NR3C1: variants seen among roughly 807,000 people sequenced by gnomAD.
The protein encoded by NR3C1 is glucocorticoid receptor.
A neutral mutation model predicts 74.0 loss-of-function variants in NR3C1; 14 were observed. The observed-to-expected ratio is 0.19, with a 90% CI of 0.12 to 0.30. The LOEUF (loss-of-function observed/expected upper bound fraction) is 0.30. Among genes scored for constraint, NR3C1 ranks in the 10% least tolerant of loss-of-function variants. The pLI is 1.00. For synonymous variants in NR3C1, 308 were observed against 332.5 expected, an observed-to-expected ratio of 0.93 and a Z score of 0.80; for missense variants, 695 against 909.8, an observed-to-expected ratio of 0.76 and a Z score of 3.04.
intron 2 of NR3C1, among the ~76,000 whole-genome samples, chr5:143,395,138 A>C (rs1170427059): frequency 1.3e-5 from 2 of 152,016 alleles, no homozygotes; most frequent in Non-Finnish European, 2.9e-5. Context: ...ACCCTAATCT[A>C]GTTTAGCATA....
intron 4 of NR3C1, among the ~76,000 whole-genome samples, chr5:143,304,770 AC>A (rs1819224892): frequency 6.6e-6 from 1 of 152,070 alleles, no homozygotes; most frequent in Non-Finnish European, 1.5e-5. Flanking sequence ...CATGTAATCT[AC>A]ACAAAGTTGA....
chr5:143,381,452 TTA>T (rs1836226335), intron 2 of NR3C1, among the ~76,000 whole-genome samples: 1 of 152,150 alleles, frequency 6.6e-6, no homozygotes, highest in African/African-American at 2.4e-5. Context: ...ATCATAGGAT[TTA>T]TATGGAACCA....
chr5:143,422,464 C>A (rs971500394), intron 1 of NR3C1, among the ~76,000 whole-genome samples: 5 of 152,132 alleles, frequency 3.3e-5, no homozygotes, highest in Non-Finnish European at 1.5e-5. Context: ...TGTGTCCTTT[C>A]CAAATTCCTG....
At chr5:143,332,699 G>A (rs529661519) in intron 2 of NR3C1, 77 of 1,576,278 alleles carry the variant, frequency 4.9e-5, no homozygotes, top group Non-Finnish European at 3.7e-5. Flanking sequence ...GTGACAAGGT[G>A]CGTCTCAGAC....
At chr5:143,403,772 G>A (rs1033895024), upstream of NR3C1, 126 of 983,754 alleles carry the variant, frequency 1.3e-4, no homozygotes, top group South Asian at 5.3e-3. Flanking sequence ...GCGGCCGCGG[G>A]GAACGATGCA....
At chr5:143,309,891 A>G (rs1311898600) in intron 4 of NR3C1, among the ~76,000 whole-genome samples, 1 of 152,212 alleles carries the variant, frequency 6.6e-6, no homozygotes, top group Non-Finnish European at 1.5e-5. Context: ...AGTGTGTGTA[A>G]GAAGAACTGG....
rs891180993 is a variant in NR3C1 at position 143,384,843 on chromosome 5, C to A, written c.1184+14813G>T. On this transcript the variant is annotated intron_variant, in intron 2 of 8. Transcript: ENST00000394464. ...ACTCTGGAGTCTGGAGGATGGTATC[C>A]CTCTTCTCACGGCTCCACTAGGCAG... Among the ~76,000 whole-genome samples, 12 of 152,198 alleles carry A rather than the reference C, an allele frequency of 7.9e-5. 1 individual carries two copies. The highest frequency in any genetic ancestry group is 2.9e-4 in the African/African-American group (12 of 41,454).
chr5:143,404,263 G>A (rs1840893973), upstream of NR3C1: 13 of 985,438 alleles, frequency 1.3e-5, no homozygotes, highest in Non-Finnish European at 1.6e-5. Flanking sequence ...CTACGGGGTT[G>A]CACGGAAACG....
intron 7 of NR3C1, among the ~76,000 whole-genome samples, chr5:143,286,346 C>CA (rs1224451339): frequency 6.6e-6 from 1 of 151,956 alleles, no homozygotes; most frequent in African/African-American, 2.4e-5. Flanking sequence ...GATTTAGATG[C>CA]AAAAATACCA....
At chr5:143,374,335 A>G (rs1216543168) in intron 2 of NR3C1, among the ~76,000 whole-genome samples, 1 of 152,128 alleles carries the variant, frequency 6.6e-6, no homozygotes, top group African/African-American at 2.4e-5. Context: ...TACTAAAAAT[A>G]CAAAAAATTA....
intron 7 of NR3C1, 127 bp downstream of exon 7, chr5:143,295,332 TC>T: frequency 7.1e-7 from 1 of 1,418,358 alleles, no homozygotes; most frequent in Non-Finnish European, 9.2e-7. Context: ...TTCATAAAAA[TC>T]ATCTGACTAG....
chr5:143,306,049 TTAAAA>T (rs1475008503), intron 4 of NR3C1, among the ~76,000 whole-genome samples: 4 of 152,180 alleles, frequency 2.6e-5, no homozygotes, highest in Non-Finnish European at 2.9e-5. Context: ...ACAATATATC[TTAAAA>T]TGAAGTGAAT....
At chr5:143,351,365 C>T (rs1046091953) in intron 2 of NR3C1, among the ~76,000 whole-genome samples, 11 of 152,084 alleles carry the variant, frequency 7.2e-5, no homozygotes, top group Non-Finnish European at 1.5e-4. Context: ...CCAGCCATAT[C>T]GCCCACATTC....
chr5:143,313,977 A>T (rs757042916), intron 3 of NR3C1, 25 bp downstream of exon 3: 1 of 1,612,430 alleles, frequency 6.2e-7, no homozygotes. Context: ...TAGAGGAAAA[A>T]TAAACTCTTC....
intron 1 of NR3C1, among the ~76,000 whole-genome samples, chr5:143,428,458 T>G (rs771257622): frequency 6.6e-6 from 1 of 152,244 alleles, no homozygotes; most frequent in South Asian, 2.1e-4. Flanking sequence ...AACTTTGTGC[T>G]AGAGTTCCAC....
At chr5:143,365,406 TTAAGATA>T (rs1277213230) in intron 2 of NR3C1, among the ~76,000 whole-genome samples, 2 of 152,014 alleles carry the variant, frequency 1.3e-5, no homozygotes, top group African/African-American at 2.4e-5. Context: ...ACAAATAGAC[TTAAGATA>T]AAAATTGTTC....
intron 2 of NR3C1, among the ~76,000 whole-genome samples, chr5:143,350,443 T>A (rs1449067233): frequency 6.6e-6 from 1 of 152,176 alleles, no homozygotes; most frequent in Non-Finnish European, 1.5e-5. Context: ...TCCAGATTTC[T>A]GCTTTGGGGT....
chr5:143,281,854 G>T lies in NR3C1; in HGVS notation c.*35C>A. Reference sequence around the variant, plus strand: ...TTTATACAATAAAAGCTATTAATTCGACTTTCTTTAAGGCAACCATTCTTA... The same window carrying T: ...TTTATACAATAAAAGCTATTAATTCTACTTTCTTTAAGGCAACCATTCTTA... On this transcript the variant is annotated 3_prime_UTR_variant, in exon 9 of 9. Coordinates refer to ENST00000394464, the MANE Select transcript of NR3C1 (RefSeq NM_000176.3). 1.9e-6 allele frequency: 3 copies of T among 1,597,916 alleles called. No individual in the cohort carries two copies. The South Asian group carries it at 3.3e-5, about 18-fold the overall frequency.
chr5:143,301,632 CTAAA>C (rs1300037484), intron 4 of NR3C1, among the ~76,000 whole-genome samples: 1 of 151,992 alleles, frequency 6.6e-6, no homozygotes, highest in African/African-American at 2.4e-5. Context: ...ATTTTAGTGA[CTAAA>C]TAAATAAGAA....
Sources: allele counts gnomAD v4.1 joint callset (sites outside exome capture counted in the v4.1 genomes callset), GRCh38; gene constraint gnomAD v4.1.1; transcripts MANE v1.5; gene names NCBI Gene and HGNC (gene_info 2026-07-23, HGNC 2026-07-21).